The following IL1R1 variants were observed in gnomAD, a reference collection of about 807,000 sequenced individuals.
IL1R1 encodes the protein interleukin 1 receptor type 1.
A neutral mutation model predicts 50.2 loss-of-function variants in IL1R1; 22 were observed. The observed-to-expected ratio is 0.44, with a 90% CI of 0.31 to 0.63. The LOEUF is 0.63. IL1R1 is among the 20% of genes least tolerant of loss of function. IL1R1 has a pLI of 0.07. For synonymous variants in IL1R1, 251 were observed against 236.7 expected (o/e 1.06, Z -0.55); for missense variants, 509 against 676.2 (o/e 0.75, Z 2.74).
upstream of IL1R1, among the ~76,000 whole-genome samples, chr2:102,139,270 C>G (rs1682509747): frequency 6.6e-6 from 1 of 152,202 alleles, no homozygotes; most frequent in Non-Finnish European, 1.5e-5. Flanking sequence ...TCTGGGGACT[C>G]TCAGCTGCTT....
chr2:102,107,267 A>T (rs956693758), intron 1 of IL1R1, among the ~76,000 whole-genome samples: 1 of 152,140 alleles, frequency 6.6e-6, no homozygotes, highest in South Asian at 2.1e-4. Context: ...GATAGACTGG[A>T]TTAAGAAAAT....
At chr2:102,092,708 A>G (rs1233955780) in intron 1 of IL1R1, among the ~76,000 whole-genome samples, 2 of 152,280 alleles carry the variant, frequency 1.3e-5, no homozygotes, top group South Asian at 2.1e-4. Flanking sequence ...TCTAGCAGTG[A>G]ACTCTTGCTG....
intron 1 of IL1R1, among the ~76,000 whole-genome samples, chr2:102,134,972 C>G (rs1287024556): frequency 6.6e-6 from 1 of 152,116 alleles, no homozygotes; most frequent in East Asian, 1.9e-4. Context: ...CCAGATTTAG[C>G]TGGGATATTG....
chr2:102,157,455 A>G (rs1559495606), intron 2 of IL1R1, among the ~76,000 whole-genome samples: 2 of 152,108 alleles, frequency 1.3e-5, no homozygotes, highest in Non-Finnish European at 2.9e-5. Context: ...GTGTAATGGG[A>G]CAGAAGGTAG....
At chr2:102,168,538 C>A in intron 6 of IL1R1, 60 bp from the exon 7 acceptor site, 1 of 1,329,556 alleles carries the variant, frequency 7.5e-7, no homozygotes, top group Admixed American at 1.7e-5. Context: ...TAAGTGTTGT[C>A]GTCACTTGAG....
chr2:102,120,730 C>A (rs1040566847), intron 1 of IL1R1, among the ~76,000 whole-genome samples: 2 of 152,158 alleles, frequency 1.3e-5, no homozygotes, highest in Admixed American at 1.3e-4. Context: ...TACACAATCC[C>A]ATTCACTATT....
intron 10 of IL1R1, 28 bp downstream of exon 10, chr2:102,174,758 T>G: frequency 6.3e-7 from 1 of 1,579,288 alleles, no homozygotes; most frequent in East Asian, 2.3e-5. Flanking sequence ...ATGCAGTATT[T>G]CTTGTTGGAG....
At chr2:102,156,855 T>C (rs972789361) in intron 2 of IL1R1, among the ~76,000 whole-genome samples, 2 of 152,234 alleles carry the variant, frequency 1.3e-5, no homozygotes, top group Non-Finnish European at 2.9e-5. Flanking sequence ...AATATTTAAA[T>C]GACTGCATGT....
At chr2:102,112,772 A>G (rs1218042285) in intron 1 of IL1R1, among the ~76,000 whole-genome samples, 1 of 152,204 alleles carries the variant, frequency 6.6e-6, no homozygotes, top group Non-Finnish European at 1.5e-5. Flanking sequence ...GTCTGTGTAC[A>G]TAGATTGAAT....
chr2:102,114,490 G>C (rs1680957950), intron 1 of IL1R1, among the ~76,000 whole-genome samples: 1 of 151,914 alleles, frequency 6.6e-6, no homozygotes, highest in South Asian at 2.1e-4. Flanking sequence ...ATGTGAACCT[G>C]CCATGACAAC....
At chr2:102,166,023 C>A in intron 5 of IL1R1, 90 bp from the exon 6 acceptor site, 1 of 1,098,946 alleles carries the variant, frequency 9.1e-7, no homozygotes, top group Non-Finnish European at 1.3e-6. Flanking sequence ...ATAACATTTG[C>A]TAAGGTGAAA....
At chr2:102,129,488 G>A (rs770458600) in intron 1 of IL1R1, among the ~76,000 whole-genome samples, 2 of 152,218 alleles carry the variant, frequency 1.3e-5, no homozygotes, top group Non-Finnish European at 2.9e-5. Context: ...GAAAGCTGCG[G>A]TGCAGTAAAT....
In IL1R1 at chr2:102,176,794, C is replaced by G. The variant is rs755395393; in HGVS notation, c.*35C>G. On this transcript the variant is annotated 3_prime_UTR_variant, in exon 12 of 12. Transcript: ENST00000410023. ...GTTGCCAAGAGTTCTTTAGGTGCCT[C>G]CTGTCTTATGGCGTTGCAGGCCAGG... 1 of 1,600,762 alleles carries G rather than the reference C, an allele frequency of 6.2e-7. No individual in the cohort carries two copies. The highest frequency in any genetic ancestry group is 8.5e-7 in the Non-Finnish European group (1 of 1,171,004).
intron 1 of IL1R1, among the ~76,000 whole-genome samples, chr2:102,114,702 C>A: frequency 6.6e-6 from 1 of 152,178 alleles, no homozygotes; most frequent in Admixed American, 6.5e-5. Flanking sequence ...AAGATCAGAA[C>A]TCTAAGCTTC....
At chr2:102,082,099 T>G (rs1679236807) in intron 1 of IL1R1, among the ~76,000 whole-genome samples, 1 of 152,184 alleles carries the variant, frequency 6.6e-6, no homozygotes, top group Admixed American at 6.5e-5. Flanking sequence ...CCAGGTTTTC[T>G]TCATTTCCTC....
At position 102,136,374 on chromosome 2, in the gene IL1R1, A is replaced by ATTTTT. The variant is rs10664336; in HGVS notation, c.-83-17551_-83-17547dup. ...CCTCAGGGCAATCATGGATAACAGT[A>ATTTTT]TTTTTTTTTTTTTTTTTTTTGAGAC... is the stretch of plus-strand genomic sequence containing the variant. On this transcript the variant is annotated intron_variant, in intron 1 of 10. Transcript: ENST00000409329. Among the ~76,000 whole-genome samples, 31 of 118,382 alleles carry ATTTTT rather than the reference A, an allele frequency of 2.6e-4. 1 individual carries two copies. The highest frequency in any genetic ancestry group is 7.6e-4 in the East Asian group (3 of 3,950). The allele number at this position is 118,382 out of a possible 152,430, so 77.7% of individuals were successfully genotyped here. A position where few individuals can be genotyped will look rare whatever the true frequency, so the allele number is the denominator to read the frequency against.
intron 1 of IL1R1, among the ~76,000 whole-genome samples, chr2:102,087,695 G>A (rs955491546): frequency 1.3e-4 from 20 of 152,136 alleles, no homozygotes; most frequent in Admixed American, 7.2e-4. Flanking sequence ...CGTGTAAGAC[G>A]TGCCTTGCTT....
rs1312104684 is a variant in IL1R1 at position 102,176,730 on chromosome 2, C to T, written c.1681C>T (p.Gln561Ter). Reference sequence around the variant, plus strand: ...GTCACCAGCCACTAAGGAGAAACTGCAAAGAGAGGCTCACGTGCCTCTCGG... The same window carrying T: ...GTCACCAGCCACTAAGGAGAAACTGTAAAGAGAGGCTCACGTGCCTCTCGG... Reference protein sequence around the residue: ...LLSPATKEKLQREAHVPLG With the variant: ...LLSPATKEKL The change falls in exon 12 of 12, where the codon CAA (glutamine) becomes TAA (stop). Residue 561 changes from glutamine (Q) to a stop codon, truncating the protein, a stop_gained. Coordinates refer to ENST00000410023, the MANE Select transcript of IL1R1 (RefSeq NM_000877.4). LOFTEE classifies it high-confidence loss of function. 1 of 1,614,014 alleles carries T rather than the reference C, an allele frequency of 6.2e-7. No individual in the cohort carries two copies. Among genetic ancestry groups the T allele is most frequent in the African/African-American group, 1.3e-5 (1 of 75,014 alleles).
intron 1 of IL1R1, among the ~76,000 whole-genome samples, chr2:102,096,626 A>G (rs1032322769): frequency 6.6e-6 from 1 of 151,190 alleles, no homozygotes; most frequent in Admixed American, 6.6e-5. Context: ...TTTATAAGTT[A>G]TTTGTGTTAT....
Sources: allele counts gnomAD v4.1 joint callset (sites outside exome capture counted in the v4.1 genomes callset), GRCh38; gene constraint gnomAD v4.1.1; transcripts MANE v1.5; gene names NCBI Gene and HGNC (gene_info 2026-07-23, HGNC 2026-07-21).